The following CSMD1 variants were observed in gnomAD, a reference collection of about 807,000 sequenced individuals.
The protein encoded by CSMD1 is CUB and sushi domain-containing protein 1.
CSMD1 carries 213 observed loss-of-function variants against 417.5 expected under a neutral mutation model. The observed-to-expected ratio is 0.51, with a 90% CI of 0.46 to 0.57. The LOEUF is 0.57. CSMD1 is among the 20% of genes least tolerant of loss of function. The probability of loss-of-function intolerance (pLI) is 0.00; values close to 1 mark genes in which losing one functional copy is unlikely to be tolerated. For missense variants in CSMD1, 6,923 were observed against 4,529.7 expected, an observed-to-expected ratio of 1.53 and a Z score of -15.17; for synonymous variants, 2,862 against 1,736.8, an observed-to-expected ratio of 1.65 and a Z score of -16.11.
chr8:3,665,557 A>C (rs73181187), intron 7 of CSMD1, among the ~76,000 whole-genome samples: 22,338 of 152,106 alleles, frequency 0.15, 1,975 homozygotes, highest in South Asian at 0.22. Context: ...CAGGAAAATA[A>C]TTAGTATCTT....
At chr8:3,401,307 CCTTTA>C (rs933369636) in intron 15 of CSMD1, among the ~76,000 whole-genome samples, 2 of 151,956 alleles carry the variant, frequency 1.3e-5, no homozygotes, top group Non-Finnish European at 2.9e-5. Flanking sequence ...CCAAAAGTTT[CCTTTA>C]CTTTAGTAAT....
chr8:3,587,279 C>A (rs1800645895), intron 8 of CSMD1, among the ~76,000 whole-genome samples: 1 of 152,194 alleles, frequency 6.6e-6, no homozygotes, highest in African/African-American at 2.4e-5. Context: ...GTTTGAACAC[C>A]ACCCAGTTAC....
At chr8:4,029,025 G>C (rs186910800) in intron 4 of CSMD1, among the ~76,000 whole-genome samples, 18 of 152,240 alleles carry the variant, frequency 1.2e-4, no homozygotes, top group Admixed American at 5.9e-4. Flanking sequence ...TTGGGAGAGG[G>C]CACTAACTTA....
intron 10 of CSMD1, among the ~76,000 whole-genome samples, chr8:3,494,684 A>C (rs1337157946): frequency 1.2e-5 from 1 of 81,752 alleles, no homozygotes; most frequent in East Asian, 3.4e-4. Flanking sequence ...ACACAGATAC[A>C]TGAATATATA....
intron 2 of CSMD1, among the ~76,000 whole-genome samples, chr8:4,502,967 A>C (rs1299938836): frequency 6.6e-6 from 1 of 152,216 alleles, no homozygotes; most frequent in Non-Finnish European, 1.5e-5. Flanking sequence ...ATAAGAGATT[A>C]AACAGCCTGA....
At chr8:3,893,553 C>A (rs929543392) in intron 5 of CSMD1, among the ~76,000 whole-genome samples, 1 of 151,634 alleles carries the variant, frequency 6.6e-6, no homozygotes, top group Non-Finnish European at 1.5e-5. Flanking sequence ...CAAAGGCAAA[C>A]GCCACTGCTC....
At chr8:3,836,308 G>C (rs1440128488) in intron 5 of CSMD1, among the ~76,000 whole-genome samples, 3 of 152,240 alleles carry the variant, frequency 2.0e-5, no homozygotes, top group East Asian at 1.9e-4. Flanking sequence ...AGTCAAAGCA[G>C]TTTGCCAGTT....
intron 2 of CSMD1, among the ~76,000 whole-genome samples, chr8:4,604,006 G>T (rs1046903295): frequency 6.6e-6 from 1 of 151,898 alleles, no homozygotes; most frequent in African/African-American, 2.4e-5. Flanking sequence ...ACTATAAAAA[G>T]AATTTTATAT....
intron 5 of CSMD1, among the ~76,000 whole-genome samples, chr8:3,785,472 G>T (rs1216648683): frequency 6.6e-6 from 1 of 152,150 alleles, no homozygotes; most frequent in Admixed American, 6.5e-5. Context: ...GCCCTCCTAA[G>T]GCTTGTACTC....
At chr8:4,492,614 G>C (rs1029823673) in intron 2 of CSMD1, among the ~76,000 whole-genome samples, 1 of 152,128 alleles carries the variant, frequency 6.6e-6, no homozygotes, top group Non-Finnish European at 1.5e-5. Flanking sequence ...GTTTAATTAT[G>C]TCCATGAAGC....
chr8:3,387,281 T>G (rs181144102), intron 18 of CSMD1, among the ~76,000 whole-genome samples: 3 of 152,330 alleles, frequency 2.0e-5, no homozygotes, highest in East Asian at 3.9e-4. Context: ...GGGGATAAAG[T>G]TGAAGGACAG....
chr8:4,549,691 C>A (rs543352899), intron 2 of CSMD1, among the ~76,000 whole-genome samples: 163 of 151,860 alleles, frequency 1.1e-3, no homozygotes, highest in Non-Finnish European at 1.5e-3. Context: ...GAGTTCAAGA[C>A]CAGCCTGGGC....
chr8:3,688,482 T>C (rs1178689170), intron 7 of CSMD1, among the ~76,000 whole-genome samples: 2 of 152,184 alleles, frequency 1.3e-5, no homozygotes, highest in Non-Finnish European at 2.9e-5. Flanking sequence ...TTCCCTAATG[T>C]CAAATGAGGA....
At chr8:4,223,631 C>T (rs921016415) in intron 3 of CSMD1, among the ~76,000 whole-genome samples, 2 of 152,194 alleles carry the variant, frequency 1.3e-5, no homozygotes, top group Non-Finnish European at 2.9e-5. Context: ...GATTAGCAGC[C>T]AGGACTCAGC....
Position 2,966,560 on chromosome 8 carries a change from G to T in CSMD1, c.9100+10C>A, listed in dbSNP as rs887089052. ...AACGTCTGAGTCTACCATGATGTCT[G>T]CTTACTAACTTGTGCAGTCGGGAGC... On this transcript the variant is annotated intron_variant, in intron 58 of 69. Coordinates refer to ENST00000635120, the MANE Select transcript of CSMD1 (RefSeq NM_033225.6). 6.2e-7 allele frequency: 1 copy of T among 1,610,760 alleles called. No homozygotes were observed. The highest frequency in any genetic ancestry group is 8.5e-7 in the Non-Finnish European group (1 of 1,177,584).
chr8:4,226,548 T>G (rs1012159383), intron 3 of CSMD1, among the ~76,000 whole-genome samples: 1 of 152,158 alleles, frequency 6.6e-6, no homozygotes, highest in African/African-American at 2.4e-5. Flanking sequence ...TAAAAAATCA[T>G]GGATACCATA....
chr8:4,117,545 G>A (rs1195600729), intron 3 of CSMD1, among the ~76,000 whole-genome samples: 1 of 152,158 alleles, frequency 6.6e-6, no homozygotes, highest in African/African-American at 2.4e-5. Flanking sequence ...AATACTCACT[G>A]ATTGTGACAG....
chr8:4,048,241 A>T (rs1213638411), intron 3 of CSMD1, among the ~76,000 whole-genome samples: 1 of 152,182 alleles, frequency 6.6e-6, no homozygotes, highest in East Asian at 1.9e-4. Context: ...AGTCACTGAG[A>T]TTAGAATGAA....
intron 12 of CSMD1, among the ~76,000 whole-genome samples, chr8:3,441,720 G>C (rs1814995309): frequency 6.6e-6 from 1 of 152,088 alleles, no homozygotes; most frequent in Non-Finnish European, 1.5e-5. Flanking sequence ...CCATGTGAAA[G>C]CGGAGCAGTG....
Sources: gnomAD v4.1 joint callset for allele counts (sites outside exome capture counted in the v4.1 genomes callset) on GRCh38, gnomAD v4.1.1 for gene constraint, MANE v1.5 for transcripts, NCBI Gene and HGNC (gene_info 2026-07-23, HGNC 2026-07-21) for gene names.